The following MACROD2 variants were observed in gnomAD, a reference collection of about 807,000 sequenced individuals.
The protein encoded by MACROD2 is mono-ADP ribosylhydrolase 2, also known as ADP-ribose glycohydrolase MACROD2.
Under a neutral mutation model 70.4 loss-of-function variants are expected in MACROD2, and 36 were observed. That is an observed-to-expected ratio of 0.51 (90% CI 0.39 to 0.68). MACROD2 has a LOEUF of 0.68. Among genes scored for constraint, MACROD2 ranks in the 30% least tolerant of loss-of-function variants. The pLI is 0.00. For synonymous variants in MACROD2, 172 were observed against 178.8 expected (o/e 0.96, Z 0.30); for missense variants, 496 against 538.4 (o/e 0.92, Z 0.78).
intron 3 of MACROD2, among the ~76,000 whole-genome samples, chr20:14,205,181 G>A (rs536907066): frequency 6.6e-6 from 1 of 152,246 alleles, no homozygotes; most frequent in East Asian, 1.9e-4. Flanking sequence ...CATTATTTAA[G>A]TGACCTCAAT....
intron 8 of MACROD2, among the ~76,000 whole-genome samples, chr20:15,828,197 C>G (rs1394783690): frequency 6.6e-6 from 1 of 152,126 alleles, no homozygotes; most frequent in Non-Finnish European, 1.5e-5. Flanking sequence ...AATCATTCCA[C>G]AATGTATACA....
chr20:15,971,534 C>T (rs1162588070), intron 13 of MACROD2, among the ~76,000 whole-genome samples: 2 of 152,136 alleles, frequency 1.3e-5, no homozygotes, highest in Non-Finnish European at 2.9e-5. Context: ...GTCCATTAAA[C>T]CTCTTTTTCT....
chr20:14,759,729 C>G (rs556211381), intron 5 of MACROD2, among the ~76,000 whole-genome samples: 1 of 152,102 alleles, frequency 6.6e-6, no homozygotes, highest in Admixed American at 6.5e-5. Context: ...ATTAGGAAAT[C>G]AGGACGTAGA....
intron 5 of MACROD2, among the ~76,000 whole-genome samples, chr20:14,784,589 T>G (rs558597928): frequency 6.8e-6 from 1 of 146,604 alleles, no homozygotes; most frequent in East Asian, 2.1e-4. Context: ...TCACATGTAG[T>G]AGATATTTGA....
At chr20:15,934,526 T>C (rs1473465445) in intron 11 of MACROD2, among the ~76,000 whole-genome samples, 2 of 151,032 alleles carry the variant, frequency 1.3e-5, no homozygotes, top group Admixed American at 6.6e-5. Context: ...TTCTGCTCCA[T>C]AGCAGATGAG....
At chr20:14,486,536 TGAGACAGAGTTTCATTC>T (rs2084734630) in intron 3 of MACROD2, among the ~76,000 whole-genome samples, 1 of 148,656 alleles carries the variant, frequency 6.7e-6, no homozygotes, top group Non-Finnish European at 1.5e-5. Flanking sequence ...TTTTTTTTTT[TGAGACAGAGTTTCATTC>T]TTGTCGCCCA....
intron 8 of MACROD2, among the ~76,000 whole-genome samples, chr20:15,719,425 C>T (rs1313761223): frequency 6.6e-6 from 1 of 152,132 alleles, no homozygotes; most frequent in Non-Finnish European, 1.5e-5. Context: ...TTGAAGTCAT[C>T]TATTTGGTGA....
chr20:15,007,444 C>T (rs896463170), intron 5 of MACROD2, among the ~76,000 whole-genome samples: 8 of 151,908 alleles, frequency 5.3e-5, no homozygotes, highest in Admixed American at 5.2e-4. Context: ...TATATACTCT[C>T]TTGTTCAATT....
At chr20:14,730,751 A>G (rs2071585870) in intron 5 of MACROD2, among the ~76,000 whole-genome samples, 1 of 152,126 alleles carries the variant, frequency 6.6e-6, no homozygotes, top group Non-Finnish European at 1.5e-5. Flanking sequence ...TAAACCAATA[A>G]TAGCATCCGT....
chr20:15,095,218 A>G (rs1256240138), intron 5 of MACROD2, among the ~76,000 whole-genome samples: 1 of 150,948 alleles, frequency 6.6e-6, no homozygotes, highest in African/African-American at 2.4e-5. Flanking sequence ...CTGGGATTAC[A>G]GGCGCCCGCC....
At chr20:14,187,963 A>C (rs2081358090) in intron 3 of MACROD2, among the ~76,000 whole-genome samples, 1 of 152,208 alleles carries the variant, frequency 6.6e-6, no homozygotes, top group Non-Finnish European at 1.5e-5. Context: ...GTTCAGATTC[A>C]GACTTTGATA....
intron 9 of MACROD2, among the ~76,000 whole-genome samples, chr20:15,867,485 T>G (rs1319559312): frequency 1.3e-5 from 2 of 152,178 alleles, no homozygotes; most frequent in Non-Finnish European, 2.9e-5. Flanking sequence ...ACACTTTGGT[T>G]GCAAATAATT....
Position 15,220,326 on chromosome 20 carries a change from A to T in MACROD2, c.419-9614A>T, listed in dbSNP as rs529817031. On this transcript the variant is annotated intron_variant, in intron 5 of 17. Coordinates refer to ENST00000684519, the MANE Select transcript of MACROD2 (RefSeq NM_001351661.2). ...TTAATCACCCACAGATTCACTAATT[A>T]TCCATTAAGCAACTGTTCCCATAGA... 5.3e-5 allele frequency among the ~76,000 whole-genome samples: 8 copies of T among 152,348 alleles called. No homozygotes were observed. The East Asian group carries it at 1.5e-3, about 29-fold the overall frequency.
intron 4 of MACROD2, among the ~76,000 whole-genome samples, chr20:14,670,860 C>G (rs1455575358): frequency 6.6e-6 from 1 of 152,092 alleles, no homozygotes; most frequent in Non-Finnish European, 1.5e-5. Flanking sequence ...GACTAGATGG[C>G]TGCTGAAGTC....
intron 3 of MACROD2, among the ~76,000 whole-genome samples, chr20:14,165,745 A>C (rs2055258399): frequency 6.6e-6 from 1 of 152,206 alleles, no homozygotes; most frequent in Non-Finnish European, 1.5e-5. Context: ...CAGAATGGCT[A>C]CTCAGTAATT....
chr20:15,707,075 T>G lies in MACROD2; in HGVS notation c.646-155670T>G, dbSNP rs1179753610. ...CTTCTATTGCCCTAAGAGTCATAGA[T>G]AGTAAGTTACACAGTAACATATTCA... is the stretch of plus-strand genomic sequence containing the variant. On this transcript the variant is annotated intron_variant, in intron 8 of 17. Transcript: ENST00000684519. Among the ~76,000 whole-genome samples the G allele has an allele frequency of 2.6e-5, 4 of 152,214 alleles. No homozygotes were observed. In the South Asian group the frequency reaches 8.3e-4, roughly 32 times the overall value.
chr20:15,440,523 GT>G (rs775413116), intron 7 of MACROD2, among the ~76,000 whole-genome samples: 148 of 152,252 alleles, frequency 9.7e-4, no homozygotes, highest in Non-Finnish European at 1.7e-3. Flanking sequence ...GCAATGTTAT[GT>G]TAACCTTGTA....
At chr20:15,301,118 G>A (rs1430621904) in intron 6 of MACROD2, among the ~76,000 whole-genome samples, 1 of 152,238 alleles carries the variant, frequency 6.6e-6, no homozygotes, top group Non-Finnish European at 1.5e-5. Context: ...AGAAGTCAGT[G>A]ACCATTCGCC....
chr20:14,515,064 G>C (rs1227791063), intron 4 of MACROD2, among the ~76,000 whole-genome samples: 5 of 151,916 alleles, frequency 3.3e-5, no homozygotes, highest in African/African-American at 1.2e-4. Flanking sequence ...GAAGACTGAA[G>C]AAAATCGTGA....
Sources: allele counts gnomAD v4.1 joint callset (sites outside exome capture counted in the v4.1 genomes callset), GRCh38; gene constraint gnomAD v4.1.1; transcripts MANE v1.5; gene names NCBI Gene and HGNC (gene_info 2026-07-23, HGNC 2026-07-21).